The following OSBPL6 variants were observed in gnomAD, a reference collection of about 807,000 sequenced individuals.
The protein encoded by OSBPL6 is oxysterol-binding protein-related protein 6.
Under a neutral mutation model 125.8 loss-of-function variants are expected in OSBPL6, and 49 were observed. That is an observed-to-expected ratio of 0.39 (90% CI 0.31 to 0.49). The LOEUF (loss-of-function observed/expected upper bound fraction) is 0.49. Among genes scored for constraint, OSBPL6 ranks in the 20% least tolerant of loss-of-function variants. The pLI is 0.88. For synonymous variants in OSBPL6, 394 were observed against 391.8 expected (o/e 1.01, Z -0.07); for missense variants, 986 against 1,135.4 (o/e 0.87, Z 1.89).
chr2:178,296,725 G>A (rs1419566485), intron 2 of OSBPL6, among the ~76,000 whole-genome samples: 2 of 152,048 alleles, frequency 1.3e-5, no homozygotes, highest in African/African-American at 2.4e-5. Context: ...CACTAGATAC[G>A]TGCCAAGGTT....
At position 178,400,755 on chromosome 2, in the gene OSBPL6, C is replaced by G. The variant is rs1221810952; in HGVS notation, c.*5196C>G. On this transcript the variant is annotated 3_prime_UTR_variant, in exon 25 of 25. Coordinates refer to ENST00000190611, the MANE Select transcript of OSBPL6 (RefSeq NM_032523.4). Reference sequence around the variant, plus strand: ...TCCCCTGCCCCTTTGTAATCCTTCCCCATCCTCTATCCTGAGGCAACCATT... The same window carrying G: ...TCCCCTGCCCCTTTGTAATCCTTCCGCATCCTCTATCCTGAGGCAACCATT... The G allele has an allele frequency of 6.6e-6, 1 of 152,202 alleles. No individual in the cohort carries two copies. The highest frequency in any genetic ancestry group is 1.5e-5 in the Non-Finnish European group (1 of 68,048). The allele number at this position is 152,202 out of a possible 1,614,324, so 9.4% of individuals were successfully genotyped here.
intron 1 of OSBPL6, among the ~76,000 whole-genome samples, chr2:178,275,368 C>T (rs981394558): frequency 3.3e-5 from 5 of 151,944 alleles, no homozygotes; most frequent in African/African-American, 9.7e-5. Context: ...AAAAATTAGC[C>T]GGGCATGGTG....
rs115947921 is a variant in OSBPL6 at position 178,368,093 on chromosome 2, A to G, written c.1288-4033A>G. On this transcript the variant is annotated intron_variant, in intron 13 of 24. Coordinates refer to ENST00000190611, the MANE Select transcript of OSBPL6 (RefSeq NM_032523.4). Reference sequence around the variant, plus strand: ...TGAAGAACATCACTTCCCTGACAATACTTCTCCCAAAGTTTCAATGATATT... The same window carrying G: ...TGAAGAACATCACTTCCCTGACAATGCTTCTCCCAAAGTTTCAATGATATT... 7.6e-3 allele frequency among the ~76,000 whole-genome samples: 1,153 copies of G among 152,266 alleles called. 18 individuals are homozygous for G. Among genetic ancestry groups the G allele is most frequent in the African/African-American group, 0.027 (1,105 of 41,550 alleles).
intron 2 of OSBPL6, among the ~76,000 whole-genome samples, chr2:178,292,500 A>G (rs940924168): frequency 6.6e-6 from 1 of 152,174 alleles, no homozygotes; most frequent in Non-Finnish European, 1.5e-5. Flanking sequence ...TCAACTGTAT[A>G]TGGCTGGTGC....
At chr2:178,240,555 A>G (rs908331754) in intron 1 of OSBPL6, among the ~76,000 whole-genome samples, 1 of 151,980 alleles carries the variant, frequency 6.6e-6, no homozygotes. Context: ...GCGTCTCAAA[A>G]CTAACTAACT....
intron 1 of OSBPL6, among the ~76,000 whole-genome samples, chr2:178,245,569 G>T (rs1190950835): frequency 6.6e-6 from 1 of 152,206 alleles, no homozygotes; most frequent in African/African-American, 2.4e-5. Context: ...AGTGTGGGAT[G>T]CACCACAGAT....
At chr2:178,392,596 C>T (rs1332496648) in intron 23 of OSBPL6, 58 bp downstream of exon 23, 16 of 1,583,644 alleles carry the variant, frequency 1.0e-5, no homozygotes, top group Non-Finnish European at 1.2e-5. Context: ...TAGCTCATGC[C>T]TATAATCCCA....
At chr2:178,238,576 G>T (rs1466700795) in intron 1 of OSBPL6, among the ~76,000 whole-genome samples, 1 of 152,092 alleles carries the variant, frequency 6.6e-6, no homozygotes, top group Non-Finnish European at 1.5e-5. Flanking sequence ...TGGTAAGAAC[G>T]AATCTTCTAT....
At chr2:178,299,857 G>A (rs1464540202) in intron 2 of OSBPL6, among the ~76,000 whole-genome samples, 1 of 152,152 alleles carries the variant, frequency 6.6e-6, no homozygotes, top group Non-Finnish European at 1.5e-5. Flanking sequence ...CCACATCAAG[G>A]ATGAGGGTTT....
Position 178,397,324 on chromosome 2 carries a change from C to T in OSBPL6, c.*1765C>T, listed in dbSNP as rs1341183277. ...CTCAGGTAAATTTTCGAATCCATCA[C>T]CAGATCTAAGCATTCTGCTTCAACA... On this transcript the variant is annotated 3_prime_UTR_variant, in exon 25 of 25. Transcript: ENST00000190611. 3 of 152,218 alleles carry T rather than the reference C, an allele frequency of 2.0e-5. No homozygotes were observed. The highest frequency in any genetic ancestry group is 4.8e-5 in the African/African-American group (2 of 41,454). The allele number at this position is 152,218 out of a possible 1,614,324, so 9.4% of individuals were successfully genotyped here.
chr2:178,258,988 C>G (rs1025619505), intron 1 of OSBPL6, among the ~76,000 whole-genome samples: 1 of 152,166 alleles, frequency 6.6e-6, no homozygotes, highest in African/African-American at 2.4e-5. Context: ...TGAGAAAACC[C>G]AAGCTCTGGC....
intron 5 of OSBPL6, among the ~76,000 whole-genome samples, chr2:178,329,259 C>G (rs1688974386): frequency 6.6e-6 from 1 of 152,196 alleles, no homozygotes; most frequent in African/African-American, 2.4e-5. Flanking sequence ...TCCTCTCCTT[C>G]CTCCCAACAT....
At chr2:178,370,192 G>A (rs1221829572) in intron 13 of OSBPL6, among the ~76,000 whole-genome samples, 1 of 152,116 alleles carries the variant, frequency 6.6e-6, no homozygotes. Context: ...TTGAACCCAG[G>A]AGGCCGAGGT....
chr2:178,325,087 A>G (rs1184949716), intron 4 of OSBPL6, among the ~76,000 whole-genome samples: 1 of 152,156 alleles, frequency 6.6e-6, no homozygotes, highest in Non-Finnish European at 1.5e-5. Flanking sequence ...AATTAAATTC[A>G]CGTATGTCTA....
chr2:178,229,592 G>A (rs771321406), intron 1 of OSBPL6, among the ~76,000 whole-genome samples: 10 of 152,190 alleles, frequency 6.6e-5, no homozygotes, highest in Non-Finnish European at 1.2e-4. Context: ...CACTTTGGGA[G>A]GCCAAGGCGA....
intron 1 of OSBPL6, among the ~76,000 whole-genome samples, chr2:178,267,338 A>G (rs1157177400): frequency 1.5e-5 from 2 of 131,908 alleles, no homozygotes; most frequent in African/African-American, 2.9e-5. Context: ...TGGGTGACAG[A>G]GTGAAACTCC....
chr2:178,246,748 T>C (rs1168305446), intron 1 of OSBPL6, among the ~76,000 whole-genome samples: 5 of 152,202 alleles, frequency 3.3e-5, no homozygotes, highest in Non-Finnish European at 5.9e-5. Flanking sequence ...GCCTCATAAT[T>C]AGCCTTCCTT....
At chr2:178,389,281 G>C in intron 21 of OSBPL6, 128 bp downstream of exon 21, 1 of 948,984 alleles carries the variant, frequency 1.1e-6, no homozygotes, top group Non-Finnish European at 1.5e-6. Context: ...GGACATTTTA[G>C]ATAAGAAAGC....
At chr2:178,361,894 G>T (rs1292210474) in intron 13 of OSBPL6, 79 bp downstream of exon 13, 21 of 1,561,078 alleles carry the variant, frequency 1.3e-5, no homozygotes, top group Non-Finnish European at 1.8e-5. Context: ...ATGGGGGGCT[G>T]GCAGGGAGGT....
Sources: allele counts gnomAD v4.1 joint callset (sites outside exome capture counted in the v4.1 genomes callset), GRCh38; gene constraint gnomAD v4.1.1; transcripts MANE v1.5; gene names NCBI Gene and HGNC (gene_info 2026-07-23, HGNC 2026-07-21).